Variants in RBFOX1 observed in about 807,000 individuals in gnomAD.
The protein encoded by RBFOX1 is RNA binding protein fox-1 homolog 1.
In RBFOX1, 8 loss-of-function variants were observed where a neutral mutation model predicts 57.7. The observed-to-expected ratio is 0.14, with a 90% CI of 0.08 to 0.25. The LOEUF (loss-of-function observed/expected upper bound fraction) is 0.25. Among genes scored for constraint, RBFOX1 ranks in the 10% least tolerant of loss-of-function variants. The probability of loss-of-function intolerance (pLI) is 1.00; values close to 1 mark genes in which losing one functional copy is unlikely to be tolerated. For missense variants in RBFOX1, 611 were observed against 548.5 expected (o/e 1.11, Z -1.14); for synonymous variants, 326 against 222.4 (o/e 1.47, Z -4.15).
chr16:7,128,818 CTTT>C (rs759893956), intron 4 of RBFOX1, among the ~76,000 whole-genome samples: 3,485 of 126,870 alleles, frequency 0.027, 154 homozygotes, highest in African/African-American at 0.099. Flanking sequence ...TTTCTTTTTA[CTTT>C]TTTTTTTTTT....
intron 2 of RBFOX1, among the ~76,000 whole-genome samples, chr16:6,519,118 C>G (rs4786877): frequency 0.56 from 84,280 of 151,554 alleles, 25,447 homozygotes; most frequent in East Asian, 0.78. Flanking sequence ...AAGTGGAAAG[C>G]TTGACTTGCC....
At chr16:6,748,252 C>T (rs576628795) in intron 3 of RBFOX1, among the ~76,000 whole-genome samples, 10 of 152,080 alleles carry the variant, frequency 6.6e-5, no homozygotes, top group African/African-American at 2.2e-4. Flanking sequence ...ACAGACCCAG[C>T]CTTCTTTTCT....
At chr16:6,560,348 G>A (rs2097164225) in intron 2 of RBFOX1, among the ~76,000 whole-genome samples, 1 of 143,312 alleles carries the variant, frequency 7.0e-6, no homozygotes, top group Non-Finnish European at 1.5e-5. Flanking sequence ...AGTGGGGGTG[G>A]AAGAATCCAT....
intron 3 of RBFOX1, among the ~76,000 whole-genome samples, chr16:5,737,296 C>T (rs2052612230): frequency 6.6e-6 from 1 of 151,932 alleles, no homozygotes; most frequent in Admixed American, 6.6e-5. Flanking sequence ...ACAGCCTGGC[C>T]AATATGGTAA....
At chr16:6,499,931 G>C (rs2095866958) in intron 2 of RBFOX1, among the ~76,000 whole-genome samples, 1 of 152,160 alleles carries the variant, frequency 6.6e-6, no homozygotes, top group Admixed American at 6.5e-5. Flanking sequence ...AACAAGTTCT[G>C]TTTTGAGAAG....
At chr16:6,798,347 T>C (rs982909967) in intron 3 of RBFOX1, among the ~76,000 whole-genome samples, 2 of 152,094 alleles carry the variant, frequency 1.3e-5, no homozygotes, top group African/African-American at 4.8e-5. Context: ...ATTTTGAGAA[T>C]TGATGGATTT....
intron 1 of RBFOX1, among the ~76,000 whole-genome samples, chr16:6,233,942 A>T (rs1367501402): frequency 6.6e-6 from 1 of 152,206 alleles, no homozygotes; most frequent in Admixed American, 6.5e-5. Flanking sequence ...AATGTATTTT[A>T]TCACAGTTTC....
intron 1 of RBFOX1, among the ~76,000 whole-genome samples, chr16:5,459,840 T>A (rs1211717586): frequency 6.6e-6 from 1 of 152,094 alleles, no homozygotes; most frequent in African/African-American, 2.4e-5. Flanking sequence ...AATGTGAGAT[T>A]AACAGCTCCA....
intron 1 of RBFOX1, chr16:5,366,674 G>A: frequency 2.4e-6 from 1 of 423,490 alleles, no homozygotes; most frequent in Non-Finnish European, 4.5e-6. Flanking sequence ...CTCTGGCAGT[G>A]GAGGAAGTCT....
chr16:7,417,527 A>ATTGTGTGTGTGT (rs761027450), intron 4 of RBFOX1, among the ~76,000 whole-genome samples: 10,860 of 75,848 alleles, frequency 0.14, 660 homozygotes, highest in African/African-American at 0.31. Flanking sequence ...TTCACATGGT[A>ATTGTGTGTGTGT]TTGTGTGTGT....
chr16:5,763,874 G>T (rs920563411), intron 3 of RBFOX1, among the ~76,000 whole-genome samples: 1 of 152,108 alleles, frequency 6.6e-6, no homozygotes, highest in Non-Finnish European at 1.5e-5. Flanking sequence ...TCCTTCTTTT[G>T]GGTTTCCCAG....
At chr16:5,247,861 C>T (rs551152107) in intron 1 of RBFOX1, among the ~76,000 whole-genome samples, 2 of 152,296 alleles carry the variant, frequency 1.3e-5, no homozygotes, top group South Asian at 4.1e-4. Context: ...GTACACAGGT[C>T]TGGGCTAGGG....
intron 13 of RBFOX1, among the ~76,000 whole-genome samples, chr16:7,674,497 C>T (rs1397672136): frequency 6.6e-6 from 1 of 152,196 alleles, no homozygotes; most frequent in East Asian, 1.9e-4. Context: ...TAAAATCTCT[C>T]CGCTGGCTCT....
At chr16:6,650,228 C>T (rs1206074450) in intron 2 of RBFOX1, among the ~76,000 whole-genome samples, 1 of 152,156 alleles carries the variant, frequency 6.6e-6, no homozygotes, top group Non-Finnish European at 1.5e-5. Context: ...TTGAGAAGCA[C>T]ATGTACCTTG....
At chr16:6,832,880 C>T (rs372646139) in intron 3 of RBFOX1, among the ~76,000 whole-genome samples, 10 of 152,318 alleles carry the variant, frequency 6.6e-5, no homozygotes, top group South Asian at 6.2e-4. Flanking sequence ...GACCTTGGTT[C>T]TGGATTGACA....
chr16:6,537,164 C>T (rs1214414885), intron 2 of RBFOX1, among the ~76,000 whole-genome samples: 1 of 152,108 alleles, frequency 6.6e-6, no homozygotes, highest in Non-Finnish European at 1.5e-5. Context: ...AATCTTCCTA[C>T]AATGCATATT....
At chr16:5,725,755 C>T (rs539502527) in intron 3 of RBFOX1, among the ~76,000 whole-genome samples, 1 of 152,116 alleles carries the variant, frequency 6.6e-6, no homozygotes, top group Non-Finnish European at 1.5e-5. Flanking sequence ...CTCCACGGAG[C>T]TTATGCTTCC....
chr16:5,344,708 C>G (rs758362921), intron 1 of RBFOX1, among the ~76,000 whole-genome samples: 1 of 152,082 alleles, frequency 6.6e-6, no homozygotes, highest in South Asian at 2.1e-4. Context: ...CAAATTATAT[C>G]CATCAATATT....
intron 3 of RBFOX1, among the ~76,000 whole-genome samples, chr16:5,726,639 C>T (rs1050436721): frequency 2.0e-5 from 3 of 152,194 alleles, no homozygotes; most frequent in African/African-American, 7.2e-5. Context: ...TTGACCTGTA[C>T]ACTAACACTA....
Sources: allele counts gnomAD v4.1 joint callset (sites outside exome capture counted in the v4.1 genomes callset), GRCh38; gene constraint gnomAD v4.1.1; transcripts MANE v1.5; gene names NCBI Gene and HGNC (gene_info 2026-07-23, HGNC 2026-07-21).